The following C3orf33 variants were observed in gnomAD, a reference collection of about 807,000 sequenced individuals.
C3orf33 encodes the protein mitochondrial inner membrane subdomain organizer 1.
A neutral mutation model predicts 28.7 loss-of-function variants in C3orf33; 23 were observed. The observed-to-expected ratio is 0.80, with a 90% confidence interval of 0.58 to 1.13. The LOEUF is 1.13. Ranked by LOEUF, C3orf33 falls within the 50% of genes most tolerant of loss-of-function variation. C3orf33 has a pLI of 0.00. For synonymous variants in C3orf33, 119 were observed against 120.5 expected (o/e 0.99, Z 0.08); for missense variants, 327 against 353.4 (o/e 0.93, Z 0.60).
intron 3 of C3orf33, among the ~76,000 whole-genome samples, chr3:155,770,487 A>G (rs952692820): frequency 2.0e-5 from 3 of 152,242 alleles, no homozygotes; most frequent in Non-Finnish European, 2.9e-5. Context: ...ATGGTCCATT[A>G]ATCTAATGAA....
intron 2 of C3orf33, among the ~76,000 whole-genome samples, chr3:155,795,512 T>A (rs1373240409): frequency 6.6e-6 from 1 of 151,950 alleles, no homozygotes; most frequent in Non-Finnish European, 1.5e-5. Context: ...ATCAAATATC[T>A]TCTCTGACTA....
At chr3:155,786,912 T>C (rs1399950003) in intron 2 of C3orf33, among the ~76,000 whole-genome samples, 2 of 152,126 alleles carry the variant, frequency 1.3e-5, no homozygotes. Flanking sequence ...ACTAAAACTG[T>C]TAAGAAAGTT....
intron 2 of C3orf33, among the ~76,000 whole-genome samples, chr3:155,781,799 C>T (rs112493062): frequency 0.025 from 3,664 of 144,734 alleles, 179 homozygotes; most frequent in African/African-American, 0.089. Context: ...AATAGTGGGC[C>T]GGGTGCGGTG....
chr3:155,795,626 A>C (rs1029839581), intron 2 of C3orf33, among the ~76,000 whole-genome samples: 3 of 152,216 alleles, frequency 2.0e-5, no homozygotes, highest in Admixed American at 6.5e-5. Flanking sequence ...AGTCAACAAA[A>C]AGATTAAGAA....
chr3:155,763,666 T>C lies in C3orf33; in HGVS notation c.736A>G (p.Thr246Ala), dbSNP rs748793393. 104 of 1,596,374 alleles carry C rather than the reference T, an allele frequency of 6.5e-5. No individual in the cohort carries two copies. Among genetic ancestry groups the C allele is most frequent in the Non-Finnish European group, 8.5e-5 (100 of 1,175,874 alleles). ...IWKKDSFLKT[T>A]GSDFSLKKES... is the part of the protein sequence containing the mutation. Reference sequence around the variant, plus strand: ...TTTTTCAAGCTGAAATCTGATCCTGTTGTTTTTAAAAAACTGTCCTTTTTC... The same window carrying C: ...TTTTTCAAGCTGAAATCTGATCCTGCTGTTTTTAAAAAACTGTCCTTTTTC... Residue 246 changes from threonine (T) to alanine (A), a missense_variant, in exon 5 of 5, where the codon ACA becomes GCA. By Grantham distance (58) the Thr-to-Ala change is moderately conservative. Transcript: ENST00000340171.
At chr3:155,779,205 G>A (rs1386715965) in intron 2 of C3orf33, among the ~76,000 whole-genome samples, 2 of 152,154 alleles carry the variant, frequency 1.3e-5, no homozygotes, top group Admixed American at 6.5e-5. Context: ...CTAAGGTAAC[G>A]CTTTTAGGAA....
intron 2 of C3orf33, among the ~76,000 whole-genome samples, chr3:155,792,475 A>T (rs1319521717): frequency 6.6e-6 from 1 of 152,094 alleles, no homozygotes. Context: ...GACCTCACCA[A>T]AAAAAACTAA....
chr3:155,780,485 T>C (rs1479996337), intron 2 of C3orf33, among the ~76,000 whole-genome samples: 1 of 152,270 alleles, frequency 6.6e-6, no homozygotes, highest in African/African-American at 2.4e-5. Context: ...AAATTATGTT[T>C]ATAAAGTGCT....
intron 2 of C3orf33, among the ~76,000 whole-genome samples, chr3:155,791,494 C>T (rs1233188093): frequency 6.6e-6 from 1 of 152,080 alleles, no homozygotes; most frequent in African/African-American, 2.4e-5. Flanking sequence ...TCAGCTTTGC[C>T]ACAATGGGGT....
chr3:155,805,679 C>G (rs745623189), intron 1 of C3orf33: 2 of 454,884 alleles, frequency 4.4e-6, no homozygotes, highest in African/African-American at 4.0e-5. Context: ...GAGCTATGAT[C>G]GTGCCACTGC....
At chr3:155,777,526 G>A (rs979376230) in intron 2 of C3orf33, among the ~76,000 whole-genome samples, 3 of 151,422 alleles carry the variant, frequency 2.0e-5, no homozygotes, top group African/African-American at 7.3e-5. Context: ...CTGTAGCCTC[G>A]ACCTCCTGGG....
At chr3:155,787,780 C>A (rs753947277) in intron 2 of C3orf33, among the ~76,000 whole-genome samples, 69 of 151,960 alleles carry the variant, frequency 4.5e-4, no homozygotes, top group Non-Finnish European at 7.9e-4. Flanking sequence ...TCCCAAAGTG[C>A]TGGGATTACA....
chr3:155,790,603 TC>T (rs1203713813), intron 2 of C3orf33, among the ~76,000 whole-genome samples: 1 of 151,992 alleles, frequency 6.6e-6, no homozygotes, highest in Non-Finnish European at 1.5e-5. Context: ...ATGCAACCCC[TC>T]CCCCATCCCT....
At chr3:155,796,435 A>C (rs1751477946) in intron 2 of C3orf33, among the ~76,000 whole-genome samples, 1 of 152,188 alleles carries the variant, frequency 6.6e-6, no homozygotes, top group South Asian at 2.1e-4. Context: ...CAACCTACCA[A>C]TATTGTAACA....
chr3:155,796,380 A>G (rs1751476501), intron 2 of C3orf33, among the ~76,000 whole-genome samples: 1 of 152,200 alleles, frequency 6.6e-6, no homozygotes, highest in Admixed American at 6.5e-5. Flanking sequence ...ACTATATGCC[A>G]ATAAGTTGGA....
chr3:155,806,236 G>C lies in C3orf33; in HGVS notation c.17C>G (p.Ala6Gly). 1.6e-5 allele frequency: 23 copies of C among 1,465,396 alleles called. No individual in the cohort carries two copies. The highest frequency in any genetic ancestry group is 2.0e-5 in the Non-Finnish European group (22 of 1,107,228). The allele number at this position is 1,465,396 out of a possible 1,614,324, so 90.8% of individuals were successfully genotyped here. Reference protein sequence around the residue: MAGQPAATGSPSADKD... With the variant: MAGQPGATGSPSADKD... Reference sequence around the variant, plus strand: ...GTCGGCAGACGGCGAGCCGGTGGCCGCGGGCTGCCCCGCCATGTTCCCGGC... The same window carrying C: ...GTCGGCAGACGGCGAGCCGGTGGCCCCGGGCTGCCCCGCCATGTTCCCGGC... The change falls in exon 1 of 5, where the codon GCG becomes GGG. Residue 6 changes from alanine (A) to glycine (G), a missense_variant. Transcript: ENST00000340171.
intron 2 of C3orf33, among the ~76,000 whole-genome samples, chr3:155,781,225 C>T (rs1750914172): frequency 6.6e-6 from 1 of 151,118 alleles, no homozygotes; most frequent in African/African-American, 2.4e-5. Context: ...CCAGGATGGT[C>T]TCGATCTCCT....
chr3:155,790,064 T>C (rs1323109557), intron 2 of C3orf33, among the ~76,000 whole-genome samples: 1 of 148,440 alleles, frequency 6.7e-6, no homozygotes, highest in Non-Finnish European at 1.5e-5. Flanking sequence ...CTGGGGAGGC[T>C]GAGGCATGAG....
chr3:155,780,138 C>T (rs566874878), intron 2 of C3orf33, among the ~76,000 whole-genome samples: 11 of 152,284 alleles, frequency 7.2e-5, no homozygotes, highest in Admixed American at 3.9e-4. Flanking sequence ...AGGATAAGAA[C>T]AGATAAGGAG....
Sources: allele counts gnomAD v4.1 joint callset (sites outside exome capture counted in the v4.1 genomes callset), GRCh38; gene constraint gnomAD v4.1.1; transcripts MANE v1.5; gene names NCBI Gene and HGNC (gene_info 2026-07-23, HGNC 2026-07-21).